The following RABEPK variants were observed in gnomAD, a reference collection of about 807,000 sequenced individuals.
RABEPK encodes the protein Rab9 effector protein with kelch motifs.
Under a neutral mutation model 34.1 loss-of-function variants are expected in RABEPK, and 27 were observed. The ratio of observed to expected loss-of-function variants is 0.79; its 90% CI spans 0.58 to 1.09. The LOEUF (loss-of-function observed/expected upper bound fraction) is 1.09, where lower values mean the gene tolerates loss of function less well. RABEPK is among the 50% of genes least tolerant of loss of function. The pLI is 0.00. For missense variants in RABEPK, 449 were observed against 462.6 expected (o/e 0.97, Z 0.27); for synonymous variants, 172 against 169.2 (o/e 1.02, Z -0.13).
chr9:125,230,765 G>C (rs558081890), intron 6 of RABEPK, among the ~76,000 whole-genome samples: 1 of 151,246 alleles, frequency 6.6e-6, no homozygotes, highest in East Asian at 2.0e-4. Flanking sequence ...TCAATCTCCT[G>C]ACCTTGTGAT....
At chr9:125,230,709 G>T (rs1832107801) in intron 6 of RABEPK, among the ~76,000 whole-genome samples, 1 of 151,376 alleles carries the variant, frequency 6.6e-6, no homozygotes, top group South Asian at 2.1e-4. Flanking sequence ...CTAATTTTTT[G>T]TATTTTTAGT....
chr9:125,232,529 T>C, intron 6 of RABEPK, 67 bp from the exon 7 acceptor site: 1 of 1,513,752 alleles, frequency 6.6e-7, no homozygotes, highest in Non-Finnish European at 8.9e-7. Context: ...CAAACTACAG[T>C]AGATAGATAA....
rs1175011886 is a variant in RABEPK, at chr9:125,233,676, T to G, written c.827-12T>G. The G allele has an allele frequency of 6.2e-7, 1 of 1,605,572 alleles. No individual in the cohort carries two copies. ...ATTTCTTAACATGAAGCCTTTTCCCTCCCCAACATAGAAGAGCAGCATTGG... is the reference window on the plus strand; with the variant it reads ...ATTTCTTAACATGAAGCCTTTTCCCGCCCCAACATAGAAGAGCAGCATTGG... On this transcript the variant is annotated splice_polypyrimidine_tract_variant and intron_variant, in intron 7 of 7. Coordinates refer to ENST00000373538, the MANE Select transcript of RABEPK (RefSeq NM_005833.4).
At chr9:125,230,899 A>AT (rs1832126583) in intron 6 of RABEPK, among the ~76,000 whole-genome samples, 1 of 152,062 alleles carries the variant, frequency 6.6e-6, no homozygotes, top group Non-Finnish European at 1.5e-5. Context: ...CTTAATGCTT[A>AT]TTTTTAAAAA....
chr9:125,222,970 G>A (rs950969657), intron 5 of RABEPK, among the ~76,000 whole-genome samples: 4 of 151,028 alleles, frequency 2.6e-5, no homozygotes, highest in Non-Finnish European at 5.9e-5. Flanking sequence ...ACACCACCCG[G>A]CCTTCACCAT....
At chr9:125,220,388 C>T (rs1831238594) in intron 4 of RABEPK, 151 bp from the exon 5 acceptor site, 2 of 1,466,520 alleles carry the variant, frequency 1.4e-6, no homozygotes, top group Admixed American at 2.7e-5. Context: ...TTCATTCTTC[C>T]TTGATGTTTG....
At chr9:125,206,202 TC>T (rs781625601) in intron 2 of RABEPK, among the ~76,000 whole-genome samples, 3 of 152,060 alleles carry the variant, frequency 2.0e-5, no homozygotes, top group Non-Finnish European at 4.4e-5. Flanking sequence ...CAGTCAGCAT[TC>T]AGAATCACTG....
At position 125,228,032 on chromosome 9, in the gene RABEPK, T is replaced by C. The variant is rs760472434; in HGVS notation, c.649T>C (p.Tyr217His). The change falls in exon 6 of 8, where the codon TAT becomes CAT. Residue 217 changes from tyrosine to histidine, a missense_variant. Physicochemically the swap from Tyr to His is moderately conservative, Grantham distance 83. Transcript: ENST00000373538. ...IHGGLAGDRF[Y>H]DDLHCIDISD... ...CGGAGGCTTGGCGGGGGACAGATTC[T>C]ATGATGACCTCCACTGCATTGATAT... 6.2e-7 allele frequency: 1 copy of C among 1,602,362 alleles called. No homozygotes were observed. The highest frequency in any genetic ancestry group is 8.5e-7 in the Non-Finnish European group (1 of 1,173,006).
At chr9:125,224,120 G>A (rs1389561147) in intron 5 of RABEPK, among the ~76,000 whole-genome samples, 1 of 150,310 alleles carries the variant, frequency 6.7e-6, no homozygotes, top group Non-Finnish European at 1.5e-5. Context: ...GCTTCTCCTG[G>A]AGGAGGCAGA....
intron 2 of RABEPK, among the ~76,000 whole-genome samples, chr9:125,204,454 T>A (rs1446988361): frequency 6.6e-6 from 1 of 152,050 alleles, no homozygotes; most frequent in Non-Finnish European, 1.5e-5. Flanking sequence ...TGGTGGTGCA[T>A]GCCTGTAATC....
Position 125,226,829 on chromosome 9 carries a change from A to C in RABEPK, c.527-1081A>C, listed in dbSNP as rs567358732. Among the ~76,000 whole-genome samples the C allele has an allele frequency of 7.9e-5, 12 of 151,242 alleles. No homozygotes were observed. In the East Asian group the frequency reaches 1.8e-3, roughly 22 times the overall value. ...CAGTAAGCCGAGATTGTGCCACTGCACTCCAGCCTGGGCGACAGAGCGAGA... is the reference window on the plus strand; with the variant it reads ...CAGTAAGCCGAGATTGTGCCACTGCCCTCCAGCCTGGGCGACAGAGCGAGA... On this transcript the variant is annotated intron_variant, in intron 5 of 7. Coordinates refer to ENST00000373538, the MANE Select transcript of RABEPK (RefSeq NM_005833.4).
At chr9:125,233,005 G>A (rs554776683) in intron 7 of RABEPK, among the ~76,000 whole-genome samples, 211 of 151,632 alleles carry the variant, frequency 1.4e-3, no homozygotes, top group African/African-American at 4.9e-3. Context: ...GAACCCAGGA[G>A]GCAGAGAGGT....
intron 2 of RABEPK, among the ~76,000 whole-genome samples, chr9:125,205,396 T>C (rs1830161642): frequency 6.6e-6 from 1 of 152,218 alleles, no homozygotes; most frequent in South Asian, 2.1e-4. Context: ...TCTGGATGGC[T>C]GTGTGCTTTT....
At chr9:125,218,862 G>A (rs561224497) in intron 4 of RABEPK, among the ~76,000 whole-genome samples, 1 of 152,110 alleles carries the variant, frequency 6.6e-6, no homozygotes, top group East Asian at 1.9e-4. Flanking sequence ...AGGTAGCTGG[G>A]ACTATAGGCA....
chr9:125,203,376 A>G (rs1830024385), intron 2 of RABEPK, among the ~76,000 whole-genome samples: 1 of 152,196 alleles, frequency 6.6e-6, no homozygotes, highest in African/African-American at 2.4e-5. Flanking sequence ...TTTTTAGGAA[A>G]TTAGATTTGG....
At chr9:125,212,133 T>G (rs1207578979) in intron 3 of RABEPK, among the ~76,000 whole-genome samples, 1 of 152,204 alleles carries the variant, frequency 6.6e-6, no homozygotes, top group Non-Finnish European at 1.5e-5. Context: ...GGATAATAAC[T>G]TGCTTCAGAT....
At chr9:125,232,217 TACACAC>T (rs34676967) in intron 6 of RABEPK, among the ~76,000 whole-genome samples, 4 of 118,082 alleles carry the variant, frequency 3.4e-5, no homozygotes, top group Non-Finnish European at 5.5e-5. Context: ...GTATTTAAAG[TACACAC>T]ACACACACAC....
intron 2 of RABEPK, among the ~76,000 whole-genome samples, chr9:125,203,317 C>T (rs1830020496): frequency 6.6e-6 from 1 of 152,142 alleles, no homozygotes; most frequent in South Asian, 2.1e-4. Flanking sequence ...ATCTGGCATC[C>T]TCAGCTCCAA....
intron 2 of RABEPK, among the ~76,000 whole-genome samples, chr9:125,206,497 CAA>C (rs34754516): frequency 7.2e-6 from 1 of 139,780 alleles, no homozygotes. Context: ...GACTCCGTCT[CAA>C]AAAAAAAAAA....
Sources: allele counts gnomAD v4.1 joint callset (sites outside exome capture counted in the v4.1 genomes callset), GRCh38; gene constraint gnomAD v4.1.1; transcripts MANE v1.5; gene names NCBI Gene and HGNC (gene_info 2026-07-23, HGNC 2026-07-21).